The following ATXN10 variants were observed in gnomAD, a reference collection of about 807,000 sequenced individuals.
The protein encoded by ATXN10 is ataxin-10.
A neutral mutation model predicts 52.9 loss-of-function variants in ATXN10; 28 were observed. The ratio of observed to expected loss-of-function variants is 0.53; its 90% CI spans 0.39 to 0.73. ATXN10 has a LOEUF of 0.73. ATXN10 is among the 30% of genes least tolerant of loss of function. The pLI, the probability that ATXN10 is intolerant of heterozygous loss-of-function variation, is 0.00. For missense variants in ATXN10, 565 were observed against 577.0 expected (o/e 0.98, Z 0.21); for synonymous variants, 226 against 221.5 (o/e 1.02, Z -0.18).
rs141812419 is a variant in ATXN10, at chr22:45,818,752, G to A, written c.1237+11730G>A. On this transcript the variant is annotated intron_variant, in intron 10 of 11. Coordinates refer to ENST00000252934, the MANE Select transcript of ATXN10 (RefSeq NM_013236.4). The surrounding 1 kb of genome is among the most constrained non-coding windows in gnomAD (Gnocchi z 4.6). ...GCCTGTCTGCTGCGTTTTCCCAAGC[G>A]TGCTTCTCAGTGGTTGCTGTTAATG... Among the ~76,000 whole-genome samples the A allele has an allele frequency of 3.2e-4, 48 of 152,176 alleles. No individual in the cohort carries two copies. Among genetic ancestry groups the A allele is most frequent in the African/African-American group, 1.1e-3 (45 of 41,516 alleles).
At chr22:45,804,942 C>T (rs1928050139) in intron 9 of ATXN10, among the ~76,000 whole-genome samples, 1 of 152,164 alleles carries the variant, frequency 6.6e-6, no homozygotes, top group Non-Finnish European at 1.5e-5. Flanking sequence ...AGGCTATTAA[C>T]ATGTTGTAAT....
intron 10 of ATXN10, among the ~76,000 whole-genome samples, chr22:45,815,169 ACTG>A (rs1928417623): frequency 6.6e-6 from 1 of 152,200 alleles, no homozygotes; most frequent in Non-Finnish European, 1.5e-5. Flanking sequence ...AGAGGAGTGA[ACTG>A]CTATGTGTAA....
At chr22:45,707,335 A>C (rs1436519751) in intron 5 of ATXN10, among the ~76,000 whole-genome samples, 1 of 152,130 alleles carries the variant, frequency 6.6e-6, no homozygotes, top group Non-Finnish European at 1.5e-5. Flanking sequence ...ATTATACCTA[A>C]TTTTGAAATT....
rs142472157 is a variant in ATXN10 at position 45,783,823 on chromosome 22, A to G, written c.1174-23136A>G. 2.6e-5 allele frequency among the ~76,000 whole-genome samples: 4 copies of G among 152,342 alleles called. No individual in the cohort carries two copies. Among genetic ancestry groups the G allele is most frequent in the South Asian group, 2.1e-4 (1 of 4,824 alleles). The stretch of plus-strand genomic sequence containing the variant: ...ATAGGTCTTGGAAAAAGGACCTGAA[A>G]GTGCTGTTGTCATGTTTGTGTCATG... On this transcript the variant is annotated intron_variant, in intron 9 of 11. Coordinates refer to ENST00000252934, the MANE Select transcript of ATXN10 (RefSeq NM_013236.4). This position sits in a 1 kb window ranked among gnomAD's most constrained non-coding sequence, Gnocchi z 5.0.
chr22:45,716,919 C>G (rs1422344491), intron 5 of ATXN10, among the ~76,000 whole-genome samples: 4 of 152,148 alleles, frequency 2.6e-5, no homozygotes, highest in Non-Finnish European at 5.9e-5. Flanking sequence ...TCAATAAACT[C>G]AAACCTTGGT....
chr22:45,711,084 ACTTC>A (rs1924229098), intron 5 of ATXN10, among the ~76,000 whole-genome samples: 1 of 152,176 alleles, frequency 6.6e-6, no homozygotes, highest in Admixed American at 6.5e-5. Context: ...CTGAGAGCCT[ACTTC>A]CTTCTTAAAA....
At position 45,700,312 on chromosome 22, in the gene ATXN10, A is replaced by G. The variant is rs1309178555; in HGVS notation, c.422A>G (p.Asn141Ser). 2.5e-6 allele frequency: 4 copies of G among 1,614,128 alleles called. No individual in the cohort carries two copies. Among genetic ancestry groups the G allele is most frequent in the Admixed American group, 1.7e-5 (1 of 60,032 alleles). The part of the protein sequence containing the change: ...AFRCGLQFLG[N>S]IASRNEDSQS... ...CGCTGTGGCCTGCAGTTTTTAGGCA[A>G]CATTGCCTCACGGAATGAAGATTCC... The change falls in exon 4 of 12, where the codon AAC becomes AGC. Residue 141 changes from asparagine (N) to serine (S), a missense_variant. Transcript: ENST00000252934.
chr22:45,675,435 G>A (rs1023019153), intron 1 of ATXN10: 1 of 152,252 alleles, frequency 6.6e-6, no homozygotes, highest in Non-Finnish European at 1.5e-5. Context: ...TATGGTAGAA[G>A]TGACAGTGTG....
At chr22:45,699,490 C>CTTTTTTTTTT (rs917191404) in intron 3 of ATXN10, among the ~76,000 whole-genome samples, 1 of 117,286 alleles carries the variant, frequency 8.5e-6, no homozygotes, top group Non-Finnish European at 1.8e-5. Context: ...TTTTTCTTTC[C>CTTTTTTTTTT]TTTTTTTTTT....
chr22:45,738,473 CTT>C (rs1447624887), intron 7 of ATXN10: 4 of 424,242 alleles, frequency 9.4e-6, no homozygotes, highest in Non-Finnish European at 1.7e-5. Flanking sequence ...TTTTCTGACT[CTT>C]TGCTCCAAGA....
rs1216255969 is a variant in ATXN10, at chr22:45,790,436, T to G, written c.1174-16523T>G. 6.6e-6 allele frequency among the ~76,000 whole-genome samples: 1 copy of G among 152,226 alleles called. No homozygotes were observed. Among genetic ancestry groups the G allele is most frequent in the Non-Finnish European group, 1.5e-5 (1 of 68,042 alleles). ...AACAAGCCAATTCCTGGTCTTCTAA[T>G]AGTTACCCCAAGCAAAAGTATGTCT... is the stretch of plus-strand genomic sequence containing the variant. On this transcript the variant is annotated intron_variant, in intron 9 of 11. Transcript: ENST00000252934. This position sits in a 1 kb window ranked among gnomAD's most constrained non-coding sequence, Gnocchi z 4.7.
At chr22:45,831,769 G>A (rs768960910) in intron 10 of ATXN10, among the ~76,000 whole-genome samples, 3 of 152,116 alleles carry the variant, frequency 2.0e-5, no homozygotes, top group Non-Finnish European at 1.5e-5. Flanking sequence ...CTGTACTATC[G>A]TTTGACATAT....
Position 45,819,622 on chromosome 22 carries a change from G to T in ATXN10, c.1237+12600G>T, listed in dbSNP as rs1399309149. On this transcript the variant is annotated intron_variant, in intron 10 of 11. Coordinates refer to ENST00000252934, the MANE Select transcript of ATXN10 (RefSeq NM_013236.4). This position sits in a 1 kb window ranked among gnomAD's most constrained non-coding sequence, Gnocchi z 4.5. ...AGCTTTACCTTCAGGAAAGCTGCTG[G>T]ATTGAGACTGGAGGGAAGTGTGACT... 6.6e-6 allele frequency among the ~76,000 whole-genome samples: 1 copy of T among 152,232 alleles called. No homozygotes were observed. Among genetic ancestry groups the T allele is most frequent in the Non-Finnish European group, 1.5e-5 (1 of 68,044 alleles).
At chr22:45,756,913 G>T (rs773086981) in intron 9 of ATXN10, among the ~76,000 whole-genome samples, 8 of 152,130 alleles carry the variant, frequency 5.3e-5, no homozygotes, top group Non-Finnish European at 1.0e-4. Context: ...CATTTCCATG[G>T]CAGAGTTGGG....
Position 45,681,982 on chromosome 22 carries a change from G to T in ATXN10, c.117-7730G>T, listed in dbSNP as rs897090795. ...TTCTGGTCTGTGGATTAGCGATCTTGCTCTGAATATGAGCTCCCCTTAAGT... is the reference window on the plus strand; with the variant it reads ...TTCTGGTCTGTGGATTAGCGATCTTTCTCTGAATATGAGCTCCCCTTAAGT... On this transcript the variant is annotated intron_variant, in intron 1 of 11. Coordinates refer to ENST00000252934, the MANE Select transcript of ATXN10 (RefSeq NM_013236.4). This position sits in a 1 kb window ranked among gnomAD's most constrained non-coding sequence, Gnocchi z 4.2. Among the ~76,000 whole-genome samples the T allele has an allele frequency of 1.8e-4, 27 of 152,282 alleles. 1 individual carries two copies. Among genetic ancestry groups the T allele is most frequent in the African/African-American group, 6.5e-4 (27 of 41,558 alleles).
At chr22:45,682,657 A>T (rs747720122) in intron 1 of ATXN10, among the ~76,000 whole-genome samples, 1 of 152,090 alleles carries the variant, frequency 6.6e-6, no homozygotes. Flanking sequence ...TCACCTGACT[A>T]CTTCACATTC....
chr22:45,791,604 ATTC>A (rs912800905), intron 9 of ATXN10, among the ~76,000 whole-genome samples: 4 of 152,218 alleles, frequency 2.6e-5, no homozygotes, highest in African/African-American at 9.6e-5. Context: ...ACTTGAATCT[ATTC>A]TTGCATTTTT....
rs1038674559 is a variant in ATXN10 at position 45,718,010 on chromosome 22, T to C, written c.648-403T>C. Among the ~76,000 whole-genome samples the C allele has an allele frequency of 2.6e-5, 4 of 152,194 alleles. No individual in the cohort carries two copies. Among genetic ancestry groups the C allele is most frequent in the African/African-American group, 9.6e-5 (4 of 41,460 alleles). ...TGAATAATCAAGCCAGTAATGGAAG[T>C]GTGACAAGTCTTTCTCTGGTTCATT... On this transcript the variant is annotated intron_variant, in intron 5 of 11. Coordinates refer to ENST00000252934, the MANE Select transcript of ATXN10 (RefSeq NM_013236.4). The surrounding 1 kb of genome is among the most constrained non-coding windows in gnomAD (Gnocchi z 4.4).
chr22:45,803,280 G>T (rs893337269), intron 9 of ATXN10, among the ~76,000 whole-genome samples: 1 of 152,228 alleles, frequency 6.6e-6, no homozygotes, highest in East Asian at 1.9e-4. Flanking sequence ...TCCCTATGCC[G>T]CACTGCCTCC....
Sources: gnomAD v4.1 joint callset for allele counts (sites outside exome capture counted in the v4.1 genomes callset) on GRCh38, gnomAD v4.1.1 for gene constraint, Gnocchi (gnomAD v3.1) non-coding constraint, MANE v1.5 for transcripts, NCBI Gene and HGNC (gene_info 2026-07-23, HGNC 2026-07-21) for gene names.